Variants in ZBED6 observed in about 807,000 individuals in gnomAD.
The protein encoded by ZBED6 is zinc finger BED-type containing 6.
In ZBED6, 40 loss-of-function variants were observed where a neutral mutation model predicts 58.4. The ratio of observed to expected loss-of-function variants is 0.68; its 90% CI spans 0.53 to 0.89. ZBED6 has a LOEUF of 0.89. Among genes scored for constraint, ZBED6 ranks in the 40% least tolerant of loss-of-function variants. The pLI, the probability that ZBED6 is intolerant of heterozygous loss-of-function variation, is 0.00. For missense variants in ZBED6, 1,057 were observed against 1,003.9 expected (o/e 1.05, Z -0.71); for synonymous variants, 439 against 350.6 (o/e 1.25, Z -2.82).
exon 17 of ZBED6, chr1:203,852,972 C>T (rs1366492932): frequency 6.5e-6 from 1 of 154,364 alleles, no homozygotes; most frequent in Non-Finnish European, 1.4e-5. Flanking sequence ...GGGCATAACT[C>T]TTTGGACCTG....
At position 203,796,640 on chromosome 1, in the gene ZBED6, A is replaced by G. The variant is rs992123539; in HGVS notation, c.-883A>G. 43 of 394,436 alleles carry G rather than the reference A, an allele frequency of 1.1e-4. 1 individual carries two copies. Among genetic ancestry groups the G allele is most frequent in the African/African-American group, 8.2e-4 (40 of 48,680 alleles). 24.4% of individuals were successfully genotyped at this position (394,436 alleles called of 1,614,324 possible). On this transcript the variant is annotated 5_prime_UTR_variant, in exon 1 of 17. Transcript: ENST00000550078. Reference sequence around the variant, plus strand: ...GGTATTGGGGGAAGGGGAGGGATCAATCGAAAAATGGAAGTGGTTTAAAGT... The same window carrying G: ...GGTATTGGGGGAAGGGGAGGGATCAGTCGAAAAATGGAAGTGGTTTAAAGT...
intron 16 of ZBED6, among the ~76,000 whole-genome samples, chr1:203,851,753 A>G (rs1689327488): frequency 6.6e-6 from 1 of 152,058 alleles, no homozygotes; most frequent in African/African-American, 2.4e-5. Flanking sequence ...ACTTGAGCTC[A>G]GGAGTTCAAG....
intron 3 of ZBED6, among the ~76,000 whole-genome samples, chr1:203,825,392 A>G (rs1445021315): frequency 1.3e-5 from 2 of 151,224 alleles, no homozygotes; most frequent in Non-Finnish European, 2.9e-5. Flanking sequence ...AAAAATGTGA[A>G]GACATAATTA....
chr1:203,799,718 C>T, exon 1 of ZBED6: 2 of 732,118 alleles, frequency 2.7e-6, no homozygotes, highest in Non-Finnish European at 4.9e-6. Flanking sequence ...ATTTTCAAGT[C>T]AGAGGTATTA....
chr1:203,836,243 A>T (rs1684284066), intron 9 of ZBED6, among the ~76,000 whole-genome samples: 1 of 152,178 alleles, frequency 6.6e-6, no homozygotes, highest in Admixed American at 6.5e-5. Context: ...AAGTTCTTAA[A>T]ATATAGAAAT....
rs768684080 is a variant in ZBED6 at position 203,847,656 on chromosome 1, A to G, written c.*4214A>G. ...CTCAACACGAGGCCACTCCAGGGGCAAGGCGGCTGCTGCGAATCACCAAAA... is the reference window on the plus strand; with the variant it reads ...CTCAACACGAGGCCACTCCAGGGGCGAGGCGGCTGCTGCGAATCACCAAAA... On this transcript the variant is annotated 3_prime_UTR_variant, in exon 12 of 17. Transcript: ENST00000550078. The G allele has an allele frequency of 8.7e-6, 14 of 1,612,614 alleles. No individual in the cohort carries two copies. The Admixed American group carries it at 2.0e-4, about 23-fold the overall frequency.
At chr1:203,806,135 A>G (rs1039038663) in intron 1 of ZBED6, 1 of 504,320 alleles carries the variant, frequency 2.0e-6, no homozygotes, top group Non-Finnish European at 4.0e-6. Context: ...TGGTCCTTAT[A>G]CTTCACTAGC....
intron 10 of ZBED6, 147 bp downstream of exon 10, chr1:203,838,211 CCTTAGTCTGCTAGATT>C: frequency 2.5e-6 from 2 of 797,000 alleles, no homozygotes; most frequent in Non-Finnish European, 3.9e-6. Context: ...AACATTTGAT[CCTTAGTCTGCTAGATT>C]CTGGGTAGAC....
intron 11 of ZBED6, among the ~76,000 whole-genome samples, chr1:203,841,084 A>G (rs1685980710): frequency 6.6e-6 from 1 of 152,020 alleles, no homozygotes; most frequent in African/African-American, 2.4e-5. Context: ...TCAAGTGAAG[A>G]AAGATAACAG....
exon 1 of ZBED6, chr1:203,796,360 C>T (rs571902837): frequency 1.0e-5 from 4 of 398,894 alleles, no homozygotes; most frequent in South Asian, 1.3e-4. Flanking sequence ...TTCCGGTATC[C>T]TACACCCATT....
Position 203,798,180 on chromosome 1 carries a change from A to AG in ZBED6, c.658_659insG (p.Thr220SerfsTer2). On this transcript the variant is annotated frameshift_variant, in exon 1 of 17. Transcript: ENST00000550078. LOFTEE classifies it high-confidence loss of function. ...CAATGGAAGCTTTGAATATATTCCT[A>AG]CTGATCCATTAGATGATAATAGAAT... 2 of 1,536,138 alleles carry AG rather than the reference A, an allele frequency of 1.3e-6. No homozygotes were observed. The highest frequency in any genetic ancestry group is 1.7e-6 in the Non-Finnish European group (2 of 1,146,908).
At position 203,822,013 on chromosome 1, in the gene ZBED6, T is replaced by A. The variant is rs1014157432; in HGVS notation, c.*2873+3324T>A. 3.3e-5 allele frequency among the ~76,000 whole-genome samples: 5 copies of A among 152,260 alleles called. No homozygotes were observed. The East Asian group carries it at 9.7e-4, about 29-fold the overall frequency. On this transcript the variant is annotated intron_variant, in intron 3 of 16. Coordinates refer to ENST00000550078, the Ensembl canonical transcript of ZBED6. ...ACCTCGTGATCCGCCCGCCTTGGCC[T>A]CCCAAAGTCCTGGGATTACAGGTGT... is the stretch of plus-strand genomic sequence containing the variant.
intron 2 of ZBED6, 91 bp downstream of exon 2, chr1:203,817,215 A>G (rs904068612): frequency 1.0e-5 from 11 of 1,068,792 alleles, no homozygotes; most frequent in South Asian, 2.0e-5. Flanking sequence ...TGTTTTTATT[A>G]TATATATATT....
At chr1:203,809,808 G>A (rs1398059081) in intron 1 of ZBED6, among the ~76,000 whole-genome samples, 2 of 152,012 alleles carry the variant, frequency 1.3e-5, no homozygotes, top group African/African-American at 4.8e-5. Flanking sequence ...ACAAAAATTA[G>A]CCAGGCATGG....
chr1:203,816,625 T>G (rs376057207), intron 1 of ZBED6, among the ~76,000 whole-genome samples: 1 of 152,098 alleles, frequency 6.6e-6, no homozygotes, highest in Non-Finnish European at 1.5e-5. Flanking sequence ...AGTGAGACAC[T>G]GTCTCTAAAA....
chr1:203,837,962 A>G lies in ZBED6; in HGVS notation c.*3574-4A>G, dbSNP rs370205221. On this transcript the variant is annotated splice_polypyrimidine_tract_variant and splice_region_variant and intron_variant, in intron 9 of 16. Coordinates refer to ENST00000550078, the Ensembl canonical transcript of ZBED6. ...ATCTTAAACTAAGTTCTCCCTCTTT[A>G]TAGGCGGTGACAGTGATCCTCCATT... is the stretch of plus-strand genomic sequence containing the variant. 1 of 1,607,086 alleles carries G rather than the reference A, an allele frequency of 6.2e-7. No homozygotes were observed. Among genetic ancestry groups the G allele is most frequent in the East Asian group, 2.2e-5 (1 of 44,874 alleles).
At chr1:203,800,429 T>A in exon 1 of ZBED6, 10 of 1,402,026 alleles carry the variant, frequency 7.1e-6, no homozygotes, top group Non-Finnish European at 9.6e-6. Flanking sequence ...AGAATGAAGT[T>A]GTTCAAAGCA....
intron 1 of ZBED6, chr1:203,805,834 T>G (rs1672139346): frequency 5.5e-6 from 5 of 905,244 alleles, no homozygotes; most frequent in Middle Eastern, 2.5e-4. Context: ...ACTCAGTGCT[T>G]CTTGGATTTC....
chr1:203,797,801 G>A (rs1669099912), exon 1 of ZBED6: 1 of 1,536,058 alleles, frequency 6.5e-7, no homozygotes. Flanking sequence ...GATCTGGGAG[G>A]CCTGTTGCAG....
Sources: gnomAD v4.1 joint callset for allele counts (sites outside exome capture counted in the v4.1 genomes callset) on GRCh38, gnomAD v4.1.1 for gene constraint, MANE v1.5 for transcripts, NCBI Gene and HGNC (gene_info 2026-07-23, HGNC 2026-07-21) for gene names.